The following MAP6 variants were observed in gnomAD, a reference collection of about 807,000 sequenced individuals.
The protein encoded by MAP6 is microtubule-associated protein 6.
A neutral mutation model predicts 42.4 loss-of-function variants in MAP6; 26 were observed. The observed-to-expected ratio is 0.61, with a 90% CI of 0.45 to 0.85. MAP6 has a LOEUF of 0.85. Among genes scored for constraint, MAP6 ranks in the 40% least tolerant of loss-of-function variants. The pLI is 0.00. For synonymous variants in MAP6, 418 were observed against 443.8 expected (o/e 0.94, Z 0.73); for missense variants, 966 against 1,099.0 (o/e 0.88, Z 1.71).
rs957165174 is a variant in MAP6, at chr11:75,667,324, G to T, written c.905+141C>A. On this transcript the variant is annotated intron_variant, in intron 1 of 3. Transcript: ENST00000304771. This position sits in a 1 kb window ranked among gnomAD's most constrained non-coding sequence, Gnocchi z 5.6. ...GAAGGCTTCGACAGGAGGTGGCCTGGGAGGCGGCTGGGGAGAGGGTGTGGC... is the reference window on the plus strand; with the variant it reads ...GAAGGCTTCGACAGGAGGTGGCCTGTGAGGCGGCTGGGGAGAGGGTGTGGC... 4.0e-5 allele frequency: 29 copies of T among 722,394 alleles called. No individual in the cohort carries two copies. Among genetic ancestry groups the T allele is most frequent in the Non-Finnish European group, 1.8e-5 (9 of 488,736 alleles). The allele number at this position is 722,394 out of a possible 1,614,324, so 44.7% of individuals were successfully genotyped here.
intron 1 of MAP6, among the ~76,000 whole-genome samples, chr11:75,664,783 C>T (rs1246242864): frequency 6.6e-6 from 1 of 152,054 alleles, no homozygotes; most frequent in Non-Finnish European, 1.5e-5. Context: ...TAATTGCCAA[C>T]CATTTTTTCT....
chr11:75,608,857 G>C (rs931159636), intron 1 of MAP6, among the ~76,000 whole-genome samples: 21 of 152,168 alleles, frequency 1.4e-4, no homozygotes, highest in Admixed American at 1.3e-3. Flanking sequence ...CATTTGAATA[G>C]CAGAGGGCTT....
intron 2 of MAP6, among the ~76,000 whole-genome samples, chr11:75,606,823 G>A (rs1942786983): frequency 6.6e-6 from 1 of 152,186 alleles, no homozygotes; most frequent in Non-Finnish European, 1.5e-5. Context: ...CTCTAGCTCT[G>A]TCCCCTTCAT....
At chr11:75,605,168 G>A (rs1299135249) in intron 3 of MAP6, 7 of 985,250 alleles carry the variant, frequency 7.1e-6, no homozygotes, top group Middle Eastern at 5.2e-4. Flanking sequence ...CTATGACTCG[G>A]TATACAATTT....
At chr11:75,666,238 T>G (rs1458958998) in intron 1 of MAP6, among the ~76,000 whole-genome samples, 2 of 151,848 alleles carry the variant, frequency 1.3e-5, no homozygotes, top group African/African-American at 2.4e-5. Context: ...ATGTCCAGAG[T>G]CAACTGTGTT....
At chr11:75,635,632 A>G (rs1005512741) in intron 1 of MAP6, among the ~76,000 whole-genome samples, 2 of 152,258 alleles carry the variant, frequency 1.3e-5, no homozygotes, top group Admixed American at 6.5e-5. Context: ...CACAGCTGCA[A>G]CAGCAGCCAA....
intron 1 of MAP6, among the ~76,000 whole-genome samples, chr11:75,660,655 T>C (rs1943828375): frequency 6.6e-6 from 1 of 152,206 alleles, no homozygotes; most frequent in Non-Finnish European, 1.5e-5. Context: ...AGCCTCCTTA[T>C]TGGCCTTCCC....
At position 75,587,548 on chromosome 11, in the gene MAP6, A is replaced by T. The variant is rs767089020; in HGVS notation, c.1953T>A (p.Ser651Arg). 4 of 1,614,086 alleles carry T rather than the reference A, an allele frequency of 2.5e-6. No individual in the cohort carries two copies. Among genetic ancestry groups the T allele is most frequent in the Non-Finnish European group, 3.4e-6 (4 of 1,180,038 alleles). The stretch of plus-strand genomic sequence containing the variant: ...TCTTTATGGGTGCTGTGGCCATGGC[A>T]CTTTCATCCTTCGGATGCTCTGGGA... ...PMVPEHPKDESAMATAPIKNQ... is the reference protein window; with the variant it reads ...PMVPEHPKDERAMATAPIKNQ... Residue 651 changes from serine to arginine, a missense_variant, in exon 4 of 4, where the codon AGT becomes AGA. Physicochemically the swap from Ser to Arg is moderately radical, Grantham distance 110. Coordinates refer to ENST00000304771, the MANE Select transcript of MAP6 (RefSeq NM_033063.2).
chr11:75,668,484 C>A lies in MAP6; in HGVS notation c.-115G>T, dbSNP rs1033762987. 9.3e-5 allele frequency: 128 copies of A among 1,375,432 alleles called. No individual in the cohort carries two copies. The highest frequency in any genetic ancestry group is 1.1e-4 in the Non-Finnish European group (119 of 1,060,548). 85.2% of individuals were successfully genotyped at this position (1,375,432 alleles called of 1,614,324 possible). A position where few individuals can be genotyped will look rare whatever the true frequency, so the allele number is the denominator to read the frequency against. On this transcript the variant is annotated 5_prime_UTR_variant, in exon 1 of 4. Coordinates refer to ENST00000304771, the MANE Select transcript of MAP6 (RefSeq NM_033063.2). ...CCAATGTGGTTCCCACCGTTTTCTA[C>A]CCCCGATCAGCCGGAGCTAGTTCGC...
At chr11:75,598,810 G>A (rs1291995180) in intron 3 of MAP6, 1 of 152,442 alleles carries the variant, frequency 6.6e-6, no homozygotes, top group Non-Finnish European at 1.5e-5. Context: ...GGTCTGGTAA[G>A]GGGGATACAC....
At chr11:75,646,586 C>T (rs531784337) in intron 1 of MAP6, among the ~76,000 whole-genome samples, 1 of 151,092 alleles carries the variant, frequency 6.6e-6, no homozygotes, top group Non-Finnish European at 1.5e-5. Flanking sequence ...GGGCGGATCA[C>T]CTGAGGTTGG....
intron 1 of MAP6, among the ~76,000 whole-genome samples, chr11:75,636,541 A>G (rs1361639165): frequency 6.6e-6 from 1 of 152,160 alleles, no homozygotes; most frequent in East Asian, 1.9e-4. Flanking sequence ...CATACACCCC[A>G]GGACTAGCCA....
chr11:75,668,665 G>A lies in MAP6; in HGVS notation c.-296C>T. ...CCGAGTCCCCGGCGAGGGTGTCTGG[G>A]ACGCGCCCCTCCCTGCGGCTGCGGC... On this transcript the variant is annotated 5_prime_UTR_variant, in exon 1 of 4. Coordinates refer to ENST00000304771, the MANE Select transcript of MAP6 (RefSeq NM_033063.2). 1 of 258,662 alleles carries A rather than the reference G, an allele frequency of 3.9e-6. No homozygotes were observed. Among genetic ancestry groups the A allele is most frequent in the South Asian group, 1.3e-4 (1 of 7,642 alleles). 16.0% of individuals were successfully genotyped at this position (258,662 alleles called of 1,614,324 possible).
intron 1 of MAP6, among the ~76,000 whole-genome samples, chr11:75,656,126 G>A (rs1255201842): frequency 6.6e-6 from 1 of 152,122 alleles, no homozygotes; most frequent in Admixed American, 6.5e-5. Context: ...AATCCTTAAG[G>A]GCTAGGAGGC....
chr11:75,605,963 G>C lies in MAP6; in HGVS notation c.1161C>G (p.Thr387=). The change falls in exon 3 of 4, where the codon ACC becomes ACG. Residue 387 remains threonine, a synonymous_variant. Transcript: ENST00000304771. ...PSVQSSKPKK[T]SASHKPTRKA... ...TCCTCGTGGGCTTATGGCTCGCTGAGGTCTTTTTTGGTTTGGAACTCTGAA... is the reference window on the plus strand; with the variant it reads ...TCCTCGTGGGCTTATGGCTCGCTGACGTCTTTTTTGGTTTGGAACTCTGAA... 6.2e-7 allele frequency: 1 copy of C among 1,613,970 alleles called. No homozygotes were observed.
intron 3 of MAP6, chr11:75,604,406 C>T: frequency 2.0e-6 from 2 of 985,434 alleles, no homozygotes; most frequent in Non-Finnish European, 2.4e-6. Context: ...TCACTCTTCA[C>T]CCCTTTCATT....
intron 1 of MAP6, among the ~76,000 whole-genome samples, chr11:75,639,099 T>C (rs1943418102): frequency 6.6e-6 from 1 of 152,070 alleles, no homozygotes; most frequent in East Asian, 1.9e-4. Context: ...AAATAATGTG[T>C]ACACATGGAC....
chr11:75,597,473 G>A (rs1199258554), intron 3 of MAP6, among the ~76,000 whole-genome samples: 1 of 152,214 alleles, frequency 6.6e-6, no homozygotes, highest in Non-Finnish European at 1.5e-5. Flanking sequence ...TTAGCACCAA[G>A]AAGGCAAAGT....
intron 1 of MAP6, among the ~76,000 whole-genome samples, chr11:75,619,602 G>T (rs1316000057): frequency 6.6e-6 from 1 of 152,158 alleles, no homozygotes; most frequent in Non-Finnish European, 1.5e-5. Context: ...GTGAGAACAT[G>T]CAGTATTTGG....
Sources: gnomAD v4.1 joint callset for allele counts (sites outside exome capture counted in the v4.1 genomes callset) on GRCh38, gnomAD v4.1.1 for gene constraint, Gnocchi (gnomAD v3.1) non-coding constraint, MANE v1.5 for transcripts, NCBI Gene and HGNC (gene_info 2026-07-23, HGNC 2026-07-21) for gene names.